PKHD1: variants seen among roughly 807,000 people sequenced by gnomAD.
PKHD1 encodes the protein PKHD1 ciliary IPT domain containing fibrocystin/polyductin, also known as fibrocystin.
A neutral mutation model predicts 412.0 loss-of-function variants in PKHD1; 291 were observed. The observed-to-expected ratio is 0.71, with a 90% CI of 0.64 to 0.78. The LOEUF (loss-of-function observed/expected upper bound fraction) is 0.78. Among genes scored for constraint, PKHD1 ranks in the 30% least tolerant of loss-of-function variants. The pLI is 0.00. For synonymous variants in PKHD1, 1,777 were observed against 1,821.5 expected (o/e 0.98, Z 0.62); for missense variants, 4,825 against 4,950.7 (o/e 0.97, Z 0.76).
intron 5 of PKHD1, among the ~76,000 whole-genome samples, chr6:52,077,906 C>T (rs554246050): frequency 3.5e-5 from 5 of 141,700 alleles, no homozygotes; most frequent in African/African-American, 1.3e-4. Flanking sequence ...CCTAGGCCTT[C>T]ATATCAACAT....
intron 48 of PKHD1, among the ~76,000 whole-genome samples, chr6:51,858,799 T>C (rs563004869): frequency 9.8e-5 from 15 of 152,330 alleles, no homozygotes; most frequent in Non-Finnish European, 1.3e-4. Context: ...TCCAGCTGGT[T>C]ATGCAGTAAC....
chr6:51,928,011 CAG>C (rs1033865655), intron 37 of PKHD1, among the ~76,000 whole-genome samples: 10 of 152,096 alleles, frequency 6.6e-5, no homozygotes, highest in African/African-American at 1.2e-4. Flanking sequence ...AATTATTATT[CAG>C]AGAGAGAGCA....
chr6:51,815,717 A>T (rs1445976012), intron 52 of PKHD1, among the ~76,000 whole-genome samples: 1 of 152,166 alleles, frequency 6.6e-6, no homozygotes, highest in Non-Finnish European at 1.5e-5. Context: ...ATCATGCAAC[A>T]TCGATATCCA....
chr6:51,910,638 T>C (rs963874815), intron 39 of PKHD1, among the ~76,000 whole-genome samples: 17 of 152,290 alleles, frequency 1.1e-4, no homozygotes, highest in African/African-American at 3.8e-4. Context: ...CCTAGAAGCA[T>C]GATCTCACTG....
chr6:51,707,931 G>A (rs1302097546), intron 60 of PKHD1, among the ~76,000 whole-genome samples: 1 of 152,006 alleles, frequency 6.6e-6, no homozygotes. Context: ...TCCTTGTCTA[G>A]TCATTCCTTC....
At chr6:51,845,686 A>G (rs1771021035) in intron 50 of PKHD1, among the ~76,000 whole-genome samples, 1 of 152,366 alleles carries the variant, frequency 6.6e-6, no homozygotes, top group Non-Finnish European at 1.5e-5. Context: ...ATAAGCACAC[A>G]TGCACATTCA....
chr6:51,809,859 ATT>A (rs58099493), intron 52 of PKHD1, among the ~76,000 whole-genome samples: 1 of 147,456 alleles, frequency 6.8e-6, no homozygotes, highest in East Asian at 2.0e-4. Context: ...AATATCTTGT[ATT>A]TTTTTTCTAG....
At chr6:52,074,036 G>A (rs1811016725) in intron 6 of PKHD1, among the ~76,000 whole-genome samples, 1 of 152,086 alleles carries the variant, frequency 6.6e-6, no homozygotes, top group Non-Finnish European at 1.5e-5. Flanking sequence ...GGGTCTTCAG[G>A]GATCCCAAGT....
intron 43 of PKHD1, among the ~76,000 whole-genome samples, chr6:51,899,079 C>T (rs1007309293): frequency 6.6e-6 from 1 of 152,178 alleles, no homozygotes; most frequent in Non-Finnish European, 1.5e-5. Context: ...CCGAATTCTA[C>T]CAGAGGTACA....
intron 63 of PKHD1, among the ~76,000 whole-genome samples, chr6:51,640,065 G>A (rs1011220197): frequency 9.9e-5 from 15 of 152,130 alleles, no homozygotes; most frequent in African/African-American, 3.6e-4. Context: ...AATGATAGGT[G>A]CCCAAGATAA....
At chr6:51,895,571 AT>A (rs200997405) in intron 43 of PKHD1, among the ~76,000 whole-genome samples, 25 of 151,400 alleles carry the variant, frequency 1.7e-4, no homozygotes, top group Admixed American at 6.6e-4. Flanking sequence ...TATTAAATAC[AT>A]TTTTTTTTGA....
chr6:52,020,228 G>C (rs1482610006), intron 33 of PKHD1, among the ~76,000 whole-genome samples: 2 of 152,158 alleles, frequency 1.3e-5, no homozygotes, highest in East Asian at 1.9e-4. Flanking sequence ...TATGAGGAAA[G>C]TCCAGCTGTG....
intron 60 of PKHD1, among the ~76,000 whole-genome samples, chr6:51,692,518 C>A (rs1483435976): frequency 6.6e-6 from 1 of 152,144 alleles, no homozygotes; most frequent in Non-Finnish European, 1.5e-5. Flanking sequence ...CTCTTCCTTA[C>A]CTCCCTCCGA....
At chr6:52,053,922 T>C (rs1581979683) in intron 20 of PKHD1, 116 bp downstream of exon 20, 1 of 1,031,786 alleles carries the variant, frequency 9.7e-7, no homozygotes, top group East Asian at 2.5e-5. Flanking sequence ...ATCCCCAAAT[T>C]AGTGTATGAG....
intron 60 of PKHD1, among the ~76,000 whole-genome samples, chr6:51,739,023 A>G (rs545290767): frequency 5.8e-4 from 87 of 148,894 alleles, no homozygotes; most frequent in African/African-American, 1.9e-3. Flanking sequence ...GTGTGTGTGT[A>G]TGTACTTTAT....
chr6:51,701,105 AAAGAG>A (rs1779353204), intron 60 of PKHD1, among the ~76,000 whole-genome samples: 1 of 152,130 alleles, frequency 6.6e-6, no homozygotes, highest in South Asian at 2.1e-4. Context: ...AAAAACAGAA[AAAGAG>A]AAAAGTTTCA....
At chr6:51,670,676 A>C (rs9357704) in intron 60 of PKHD1, among the ~76,000 whole-genome samples, 75,664 of 151,832 alleles carry the variant, frequency 0.5, 21,604 homozygotes, top group Non-Finnish European at 0.65. Flanking sequence ...GATTTTGCAG[A>C]GGCTGGTACC....
chr6:51,668,592 A>C (rs1041472726), intron 60 of PKHD1, among the ~76,000 whole-genome samples: 22 of 152,026 alleles, frequency 1.4e-4, no homozygotes, highest in Non-Finnish European at 3.1e-4. Flanking sequence ...GTTGAATAGG[A>C]GTGGTGAGAG....
intron 54 of PKHD1, among the ~76,000 whole-genome samples, chr6:51,773,800 AAAT>A (rs1488540324): frequency 2.0e-5 from 2 of 102,432 alleles, no homozygotes; most frequent in Admixed American, 9.0e-5. Flanking sequence ...ACCAAAAAAA[AAAT>A]AATCCCAATT....
Sources: gnomAD v4.1 joint callset for allele counts (sites outside exome capture counted in the v4.1 genomes callset) on GRCh38, gnomAD v4.1.1 for gene constraint, MANE v1.5 for transcripts, NCBI Gene and HGNC (gene_info 2026-07-23, HGNC 2026-07-21) for gene names.